Variants in KANK1 observed in about 807,000 individuals in gnomAD.
KANK1 encodes KN motif and ankyrin repeat domain-containing protein 1.
Under a neutral mutation model 106.2 loss-of-function variants are expected in KANK1, and 109 were observed. The ratio of observed to expected loss-of-function variants is 1.03; its 90% CI spans 0.88 to 1.20. KANK1 has a LOEUF of 1.20. KANK1 is among the 50% of genes most tolerant of loss of function. The pLI, the probability that KANK1 is intolerant of heterozygous loss-of-function variation, is 0.00. For missense variants in KANK1, 2,399 were observed against 1,710.7 expected, an observed-to-expected ratio of 1.40 and a Z score of -7.10; for synonymous variants, 873 against 652.2, an observed-to-expected ratio of 1.34 and a Z score of -5.16.
At chr9:545,990 C>T (rs1479543062) in intron 1 of KANK1, among the ~76,000 whole-genome samples, 2 of 151,970 alleles carry the variant, frequency 1.3e-5, no homozygotes, top group Non-Finnish European at 2.9e-5. Context: ...TCAAGTGATC[C>T]ACCCGCCTTG....
At chr9:590,568 A>G (rs1252341750) in intron 1 of KANK1, among the ~76,000 whole-genome samples, 1 of 152,222 alleles carries the variant, frequency 6.6e-6, no homozygotes, top group Non-Finnish European at 1.5e-5. Flanking sequence ...AGATGTATCG[A>G]TAAATAAAAG....
In KANK1 at chr9:582,145, G is replaced by A. The variant is rs189774001; in HGVS notation, c.-84+77391G>A. 2.8e-3 allele frequency among the ~76,000 whole-genome samples: 433 copies of A among 152,302 alleles called. 2 individuals are homozygous for A. The highest frequency in any genetic ancestry group is 0.024 in the Middle Eastern group (7 of 294). On this transcript the variant is annotated intron_variant, in intron 1 of 11. Transcript: ENST00000382297. ...GCTGCTTCTCTGTGGTCACCTAGCA[G>A]CAGTCTCCTGTGGCCAGTTCCCCAC...
chr9:693,429 C>A (rs1277556186), intron 2 of KANK1: 1 of 985,298 alleles, frequency 1.0e-6, no homozygotes, highest in Non-Finnish European at 1.2e-6. Context: ...CTAGAATTAA[C>A]AGGCTTACAG....
At chr9:740,661 A>G (rs1423740100) in intron 8 of KANK1, 131 bp from the exon 9 acceptor site, 1 of 993,154 alleles carries the variant, frequency 1.0e-6, no homozygotes, top group Non-Finnish European at 1.5e-6. Flanking sequence ...CTTCTAAGTC[A>G]CTCTTGGTCT....
At chr9:554,776 A>G (rs796355438) in intron 1 of KANK1, among the ~76,000 whole-genome samples, 5 of 152,338 alleles carry the variant, frequency 3.3e-5, no homozygotes, top group African/African-American at 1.2e-4. Context: ...GCCACTACTA[A>G]AAACAGAATC....
chr9:727,044 G>A (rs1830864735), intron 3 of KANK1, among the ~76,000 whole-genome samples: 1 of 152,174 alleles, frequency 6.6e-6, no homozygotes, highest in African/African-American at 2.4e-5. Context: ...TACACATCAT[G>A]CTCATCTATG....
chr9:684,387 G>T lies in KANK1; in HGVS notation c.37+7378G>T, dbSNP rs1588892627. 3.0e-6 allele frequency: 3 copies of T among 985,282 alleles called. No homozygotes were observed. In the East Asian group the frequency reaches 3.4e-4, roughly 112 times the overall value. 61.0% of individuals were successfully genotyped at this position (985,282 alleles called of 1,614,324 possible). A position where few individuals can be genotyped will look rare whatever the true frequency, so the allele number is the denominator to read the frequency against. On this transcript the variant is annotated intron_variant, in intron 2 of 11. Transcript: ENST00000382297. ...TTTTTGCCTGGTACCAACTTTATAG[G>T]TGCCAACAAGAAAGAAAGAAAAAAA...
chr9:669,292 G>A (rs981699726), intron 1 of KANK1, among the ~76,000 whole-genome samples: 3 of 152,080 alleles, frequency 2.0e-5, no homozygotes, highest in Non-Finnish European at 4.4e-5. Context: ...TTCTATACTT[G>A]ATGTTACCTG....
chr9:474,553 G>A lies in KANK1; in HGVS notation c.-362+1280G>A, dbSNP rs182604201. On this transcript the variant is annotated intron_variant, in intron 3 of 15. Transcript: ENST00000382303. The stretch of plus-strand genomic sequence containing the variant: ...ATTTGATGAACAAAAGAAGGCAAAT[G>A]TTCTTTCTTTGATGCCCCCTATCTT... Among the ~76,000 whole-genome samples the A allele has an allele frequency of 3.0e-4, 46 of 152,296 alleles. 1 individual carries two copies. The highest frequency in any genetic ancestry group is 1.1e-3 in the African/African-American group (46 of 41,568).
chr9:623,821 A>G (rs1472686159), intron 1 of KANK1, among the ~76,000 whole-genome samples: 1 of 152,120 alleles, frequency 6.6e-6, no homozygotes, highest in African/African-American at 2.4e-5. Flanking sequence ...CATTATGGAC[A>G]TTGGTATGGA....
intron 1 of KANK1, among the ~76,000 whole-genome samples, chr9:573,383 C>G (rs1270072039): frequency 6.6e-6 from 1 of 152,148 alleles, no homozygotes; most frequent in Non-Finnish European, 1.5e-5. Flanking sequence ...CATTCTCTTG[C>G]CTCAGCTTCC....
chr9:624,539 C>T (rs1476264839), intron 1 of KANK1, among the ~76,000 whole-genome samples: 3 of 152,104 alleles, frequency 2.0e-5, no homozygotes, highest in Non-Finnish European at 4.4e-5. Context: ...TGTGGTGGCT[C>T]ATGCCTGTAA....
intron 3 of KANK1, among the ~76,000 whole-genome samples, chr9:496,049 C>T (rs548576708): frequency 2.0e-5 from 3 of 152,246 alleles, no homozygotes; most frequent in Admixed American, 6.5e-5. Flanking sequence ...GCTCTGGCCT[C>T]CAGCAACCTG....
chr9:687,850 G>A (rs968031007), intron 2 of KANK1, among the ~76,000 whole-genome samples: 31 of 152,094 alleles, frequency 2.0e-4, no homozygotes, highest in African/African-American at 7.0e-4. Flanking sequence ...AGTTACGGTT[G>A]TGTGCGTCAC....
upstream of KANK1, chr9:504,692 C>A (rs562209129): frequency 3.2e-4 from 48 of 148,084 alleles, no homozygotes; most frequent in African/African-American, 1.1e-3. Flanking sequence ...CCCGCCCTTC[C>A]CCGAGCTCCG....
At chr9:597,519 G>A (rs1826515041) in intron 1 of KANK1, among the ~76,000 whole-genome samples, 1 of 151,662 alleles carries the variant, frequency 6.6e-6, no homozygotes, top group Non-Finnish European at 1.5e-5. Context: ...TTGGAGACAT[G>A]TCTGTTGAAG....
At position 624,895 on chromosome 9, in the gene KANK1, G is replaced by T. The variant is rs980304242; in HGVS notation, c.-83-51995G>T. ...TGAGAGCCCATCTCTGAGGAAAAGGGGTGTGCAGCCGGACAGGCTTCAGTT... is the reference window on the plus strand; with the variant it reads ...TGAGAGCCCATCTCTGAGGAAAAGGTGTGTGCAGCCGGACAGGCTTCAGTT... On this transcript the variant is annotated intron_variant, in intron 1 of 11. Transcript: ENST00000382297. Among the ~76,000 whole-genome samples the T allele has an allele frequency of 2.0e-5, 3 of 152,282 alleles. No homozygotes were observed. The East Asian group carries it at 5.8e-4, about 29-fold the overall frequency.
At chr9:678,928 C>T (rs903525912) in intron 2 of KANK1, among the ~76,000 whole-genome samples, 4 of 152,118 alleles carry the variant, frequency 2.6e-5, no homozygotes, top group African/African-American at 7.2e-5. Context: ...GCCTCAAGAC[C>T]TCAACCTTCT....
intron 1 of KANK1, among the ~76,000 whole-genome samples, chr9:575,694 G>A (rs1047815278): frequency 2.0e-5 from 3 of 151,536 alleles, no homozygotes; most frequent in Non-Finnish European, 2.9e-5. Flanking sequence ...TACAGAGATA[G>A]TGTTCTAGTT....
Sources: gnomAD v4.1 joint callset for allele counts (sites outside exome capture counted in the v4.1 genomes callset) on GRCh38, gnomAD v4.1.1 for gene constraint, MANE v1.5 for transcripts, NCBI Gene and HGNC (gene_info 2026-07-23, HGNC 2026-07-21) for gene names.